The following ANXA4 variants were observed in gnomAD, a reference collection of about 807,000 sequenced individuals.
The protein encoded by ANXA4 is annexin A4.
ANXA4 carries 39 observed loss-of-function variants against 49.8 expected under a neutral mutation model. The observed-to-expected ratio is 0.78, with a 90% CI of 0.61 to 1.02. The LOEUF (loss-of-function observed/expected upper bound fraction) is 1.02, where lower values mean the gene tolerates loss of function less well. Ranked by LOEUF, ANXA4 falls within the 50% of genes least tolerant of loss-of-function variation. The pLI, the probability that ANXA4 is intolerant of heterozygous loss-of-function variation, is 0.00. For missense variants in ANXA4, 360 were observed against 410.1 expected, an observed-to-expected ratio of 0.88 and a Z score of 1.05; for synonymous variants, 134 against 152.5, an observed-to-expected ratio of 0.88 and a Z score of 0.89.
intron 3 of ANXA4, among the ~76,000 whole-genome samples, chr2:69,723,218 T>C (rs1467264261): frequency 7.1e-6 from 1 of 141,842 alleles, no homozygotes; most frequent in Non-Finnish European, 1.5e-5. Context: ...ATGAAGGAAA[T>C]AATAAAGATA....
At chr2:69,755,418 A>G (rs1671005039) in intron 1 of ANXA4, among the ~76,000 whole-genome samples, 2 of 152,148 alleles carry the variant, frequency 1.3e-5, no homozygotes, top group South Asian at 4.2e-4. Context: ...TCAGGAGTTG[A>G]AGACTAGCCT....
intron 2 of ANXA4, among the ~76,000 whole-genome samples, chr2:69,683,858 C>T (rs565252527): frequency 1.3e-5 from 2 of 152,212 alleles, no homozygotes; most frequent in African/African-American, 4.8e-5. Flanking sequence ...GGTGGTGAAC[C>T]TAGATTTCAT....
intron 2 of ANXA4, among the ~76,000 whole-genome samples, chr2:69,681,275 C>T (rs1159329111): frequency 6.6e-6 from 1 of 151,690 alleles, no homozygotes; most frequent in Non-Finnish European, 1.5e-5. Context: ...CTAGGTTTTC[C>T]AGTTTGTTAG....
intron 3 of ANXA4, among the ~76,000 whole-genome samples, chr2:69,795,506 G>T (rs1672908600): frequency 6.6e-6 from 1 of 152,272 alleles, no homozygotes; most frequent in South Asian, 2.1e-4. Flanking sequence ...TAGTATCGGG[G>T]TGTTGCAAGG....
At chr2:69,695,366 C>T (rs1352053015) in intron 2 of ANXA4, among the ~76,000 whole-genome samples, 1 of 152,292 alleles carries the variant, frequency 6.6e-6, no homozygotes, top group East Asian at 1.9e-4. Context: ...TGAGGCAGCA[C>T]TCAGCACCCG....
At chr2:69,675,664 C>CA (rs1384132768) in intron 2 of ANXA4, among the ~76,000 whole-genome samples, 3 of 152,064 alleles carry the variant, frequency 2.0e-5, no homozygotes, top group Non-Finnish European at 4.4e-5. Flanking sequence ...GGGAGGAATG[C>CA]AGAGTTGTTG....
upstream of ANXA4, among the ~76,000 whole-genome samples, chr2:69,644,251 G>A (rs199751399): frequency 1.4e-5 from 2 of 147,840 alleles, no homozygotes; most frequent in Admixed American, 1.4e-4. Flanking sequence ...GGATTCTGGA[G>A]GTTGTGGTTT....
rs190326149 is a variant in ANXA4 at position 69,662,970 on chromosome 2, A to G, written n.766+9688A>G. Among the ~76,000 whole-genome samples the G allele has an allele frequency of 3.2e-3, 478 of 151,680 alleles. 1 individual carries two copies. The highest frequency in any genetic ancestry group is 0.01 in the African/African-American group (428 of 41,388). Reference sequence around the variant, plus strand: ...GTTTATCTAAAATTCAAATTTAACCAGATGTCCTGGTTTTTCTTTTTCTTT... The same window carrying G: ...GTTTATCTAAAATTCAAATTTAACCGGATGTCCTGGTTTTTCTTTTTCTTT... On this transcript the variant is annotated intron_variant and non_coding_transcript_variant, in intron 2 of 3. Coordinates refer to the ANXA4 transcript ENST00000418066.
chr2:69,646,807 T>G (rs894989804), intron 1 of ANXA4, among the ~76,000 whole-genome samples: 4 of 152,242 alleles, frequency 2.6e-5, no homozygotes, highest in African/African-American at 9.6e-5. Context: ...TGTAGCTCAC[T>G]GACCACTAGA....
rs1308342194 is a variant in ANXA4, at chr2:69,825,601, C to T, written c.*86C>T. ...TTCTACACTGCTATTATCATTATCT[C>T]AGAATGCTTATTTCCAATTAAAACG... On this transcript the variant is annotated 3_prime_UTR_variant, in exon 13 of 13. Coordinates refer to ENST00000394295, the MANE Select transcript of ANXA4 (RefSeq NM_001153.5). The T allele has an allele frequency of 3.0e-6, 3 of 1,011,654 alleles. No individual in the cohort carries two copies. Among genetic ancestry groups the T allele is most frequent in the Non-Finnish European group, 4.5e-6 (3 of 668,040 alleles). The allele number at this position is 1,011,654 out of a possible 1,614,324, so 62.7% of individuals were successfully genotyped here. A position where few individuals can be genotyped will look rare whatever the true frequency, so the allele number is the denominator to read the frequency against.
intron 5 of ANXA4, among the ~76,000 whole-genome samples, chr2:69,806,894 T>C (rs576403213): frequency 6.6e-6 from 1 of 152,226 alleles, no homozygotes; most frequent in African/African-American, 2.4e-5. Context: ...TAATGGGTAC[T>C]AGGCTTAATA....
At chr2:69,774,154 C>CTCTCTGTG (rs1671864601) in intron 1 of ANXA4, among the ~76,000 whole-genome samples, 2 of 152,054 alleles carry the variant, frequency 1.3e-5, no homozygotes, top group East Asian at 3.9e-4. Context: ...AAAATTTCCA[C>CTCTCTGTG]CCTGCTAAGA....
intron 2 of ANXA4, among the ~76,000 whole-genome samples, chr2:69,654,713 A>G (rs774027649): frequency 5.7e-4 from 87 of 152,098 alleles, no homozygotes; most frequent in Admixed American, 1.3e-3. Flanking sequence ...AATTTTGGAT[A>G]GCCAAGACAA....
chr2:69,766,331 A>G (rs1382706226), intron 1 of ANXA4, among the ~76,000 whole-genome samples: 3 of 152,228 alleles, frequency 2.0e-5, no homozygotes, highest in Non-Finnish European at 4.4e-5. Flanking sequence ...TGAGTACACA[A>G]TGTCTGCACC....
In ANXA4 at chr2:69,786,543, A is replaced by G. The variant is rs114000096; in HGVS notation, c.10-1511A>G. 4.8e-3 allele frequency among the ~76,000 whole-genome samples: 732 copies of G among 152,316 alleles called. 4 individuals are homozygous for G. Among genetic ancestry groups the G allele is most frequent in the African/African-American group, 0.016 (683 of 41,582 alleles). ...AATACAAACTCCTTACCTGGTTTGA[A>G]GGGCTGCCTTGCTCTGGCCCCAGCC... On this transcript the variant is annotated intron_variant, in intron 2 of 12. Coordinates refer to ENST00000394295, the MANE Select transcript of ANXA4 (RefSeq NM_001153.5).
At chr2:69,656,258 C>T (rs527269594) in intron 2 of ANXA4, among the ~76,000 whole-genome samples, 1,991 of 109,222 alleles carry the variant, frequency 0.018, 294 homozygotes, top group East Asian at 0.16. Context: ...TATGTATATA[C>T]GTATATATAT....
chr2:69,801,396 G>GT (rs1558513521), intron 3 of ANXA4, among the ~76,000 whole-genome samples: 3 of 137,582 alleles, frequency 2.2e-5, no homozygotes. Flanking sequence ...CTCACTATCT[G>GT]TTTTTTGTTT....
intron 2 of ANXA4, among the ~76,000 whole-genome samples, chr2:69,716,058 G>A (rs893707769): frequency 3.3e-5 from 5 of 152,194 alleles, no homozygotes; most frequent in African/African-American, 1.2e-4. Flanking sequence ...CTCTCCTGGA[G>A]TGATCAAACT....
At chr2:69,701,095 G>A (rs1200602378) in intron 2 of ANXA4, among the ~76,000 whole-genome samples, 1 of 151,984 alleles carries the variant, frequency 6.6e-6, no homozygotes, top group South Asian at 2.1e-4. Context: ...GGCTGGTCTC[G>A]AACTCCTGAC....
Sources: gnomAD v4.1 joint callset for allele counts (sites outside exome capture counted in the v4.1 genomes callset) on GRCh38, gnomAD v4.1.1 for gene constraint, MANE v1.5 for transcripts, NCBI Gene and HGNC (gene_info 2026-07-23, HGNC 2026-07-21) for gene names.